The following NTAN1 variants were observed in gnomAD, a reference collection of about 807,000 sequenced individuals.
NTAN1 encodes the protein N-terminal asparagine amidase, also known as protein N-terminal asparagine amidohydrolase.
In NTAN1, 32 loss-of-function variants were observed where a neutral mutation model predicts 41.9. The ratio of observed to expected loss-of-function variants is 0.76; its 90% CI spans 0.58 to 1.03. The LOEUF (loss-of-function observed/expected upper bound fraction) is 1.03. NTAN1 is among the 50% of genes least tolerant of loss of function. The pLI, the probability that NTAN1 is intolerant of heterozygous loss-of-function variation, is 0.00. For missense variants in NTAN1, 377 were observed against 377.5 expected, an observed-to-expected ratio of 1.00 and a Z score of 0.01; for synonymous variants, 140 against 139.5, an observed-to-expected ratio of 1.00 and a Z score of -0.03.
chr16:15,045,676 T>C (rs1390763856), intron 4 of NTAN1: 1 of 152,274 alleles, frequency 6.6e-6, no homozygotes. Flanking sequence ...GGAGTCACAC[T>C]GCGCATTGCA....
At chr16:15,041,566 G>T in intron 6 of NTAN1, 57 bp downstream of exon 6, 2 of 1,218,572 alleles carry the variant, frequency 1.6e-6, no homozygotes, top group Non-Finnish European at 2.4e-6. Flanking sequence ...TGCAAGACTG[G>T]GGACAAAACG....
chr16:15,041,447 A>C (rs533625537), intron 6 of NTAN1, among the ~76,000 whole-genome samples, 176 bp downstream of exon 6: 23 of 152,286 alleles, frequency 1.5e-4, no homozygotes, highest in African/African-American at 5.5e-4. Flanking sequence ...GAGGCTCGGC[A>C]GATGGTGGAC....
chr16:15,041,533 T>C (rs1210323608), intron 6 of NTAN1, 90 bp downstream of exon 6: 1 of 859,812 alleles, frequency 1.2e-6, no homozygotes, highest in Non-Finnish European at 2.0e-6. Flanking sequence ...GTGACAGCAG[T>C]GTGTGCCGGT....
chr16:15,055,972 C>T lies in NTAN1; in HGVS notation c.-1G>A, dbSNP rs991998119. On this transcript the variant is annotated 5_prime_UTR_variant, in exon 1 of 10. Coordinates refer to ENST00000287706, the MANE Select transcript of NTAN1 (RefSeq NM_173474.4). ...GCCGCCCCTCGACGAGCAGCGGCAT[C>T]GCGGAGGCGGCCGCCCAGGCAGGCC... The T allele has an allele frequency of 4.1e-6, 5 of 1,222,368 alleles. No individual in the cohort carries two copies. The highest frequency in any genetic ancestry group is 5.1e-6 in the Non-Finnish European group (5 of 981,632). 75.7% of individuals were successfully genotyped at this position (1,222,368 alleles called of 1,614,324 possible). A position where few individuals can be genotyped will look rare whatever the true frequency, so the allele number is the denominator to read the frequency against.
chr16:15,054,132 C>T (rs1240715159), intron 1 of NTAN1, among the ~76,000 whole-genome samples: 1 of 152,204 alleles, frequency 6.6e-6, no homozygotes. Flanking sequence ...TCCTGCCCGC[C>T]GCGCCCCAGG....
chr16:15,051,705 T>TC (rs1282208419), intron 1 of NTAN1, among the ~76,000 whole-genome samples: 1 of 149,460 alleles, frequency 6.7e-6, no homozygotes, highest in Non-Finnish European at 1.5e-5. Flanking sequence ...TTAATTTTTT[T>TC]TTTTTTTTTT....
rs567386522 is a variant in NTAN1, at chr16:15,041,460, G to C, written c.487+163C>G. ...CTGAGGCTCGGCAGATGGTGGACGA[G>C]GGCAAGGGGAAGGGGAAGGCCATCC... On this transcript the variant is annotated intron_variant, in intron 6 of 9. Transcript: ENST00000287706. Among the ~76,000 whole-genome samples, 5 of 152,250 alleles carry C rather than the reference G, an allele frequency of 3.3e-5. No homozygotes were observed. In the South Asian group the frequency reaches 1.0e-3, roughly 32 times the overall value.
chr16:15,054,787 C>T (rs954560669), intron 1 of NTAN1, among the ~76,000 whole-genome samples: 3 of 152,178 alleles, frequency 2.0e-5, no homozygotes, highest in Non-Finnish European at 4.4e-5. Context: ...GAGGACACTA[C>T]TCTTATCTGC....
intron 5 of NTAN1, among the ~76,000 whole-genome samples, chr16:15,043,710 G>C (rs1225077781): frequency 1.3e-5 from 2 of 152,160 alleles, no homozygotes; most frequent in Non-Finnish European, 2.9e-5. Flanking sequence ...AGCACTTTAA[G>C]AGGCCGAGGC....
At chr16:15,042,577 AATT>A (rs1436954924) in intron 5 of NTAN1, among the ~76,000 whole-genome samples, 6 of 152,232 alleles carry the variant, frequency 3.9e-5, no homozygotes, top group East Asian at 3.9e-4. Context: ...GCGACTACAT[AATT>A]ATTATTCTGA....
chr16:15,042,952 G>A (rs923989960), intron 5 of NTAN1, among the ~76,000 whole-genome samples: 1 of 150,020 alleles, frequency 6.7e-6, no homozygotes, highest in East Asian at 2.0e-4. Context: ...CCATGCTGGA[G>A]TGCAATGGTG....
chr16:15,043,196 G>A (rs1408195078), intron 5 of NTAN1, among the ~76,000 whole-genome samples: 3 of 151,904 alleles, frequency 2.0e-5, no homozygotes, highest in South Asian at 2.1e-4. Context: ...CACCGCACCC[G>A]GCCTAATTTT....
At chr16:15,054,450 C>T (rs1256305233) in intron 1 of NTAN1, among the ~76,000 whole-genome samples, 3 of 152,224 alleles carry the variant, frequency 2.0e-5, no homozygotes, top group African/African-American at 7.2e-5. Flanking sequence ...AGTAGAGCAT[C>T]CCCTAAATTC....
Position 15,038,132 on chromosome 16 carries a change from G to GT in NTAN1, c.831dup (p.His278ThrfsTer13), listed in dbSNP as rs780770021. On this transcript the variant is annotated frameshift_variant, in exon 10 of 10. Transcript: ENST00000287706. LOFTEE classifies it high-confidence loss of function. Reference sequence around the variant, plus strand: ...AACAGTGTGTGAGCTGGAGATGGGTGTTTTTTTAAAAACATCAAGGTAGAT... The same window carrying GT: ...AACAGTGTGTGAGCTGGAGATGGGTGTTTTTTTTAAAAACATCAAGGTAGAT... 4.3e-6 allele frequency: 7 copies of GT among 1,612,034 alleles called. No individual in the cohort carries two copies. The highest frequency in any genetic ancestry group is 2.2e-5 in the South Asian group (2 of 91,032).
At chr16:15,041,213 C>T in intron 6 of NTAN1, 92 bp from the exon 7 acceptor site, 2 of 863,002 alleles carry the variant, frequency 2.3e-6, no homozygotes. Flanking sequence ...AGGAGCTCCT[C>T]GATGCAGAAA....
At chr16:15,046,432 C>T (rs555336074) in intron 4 of NTAN1, among the ~76,000 whole-genome samples, 1 of 152,128 alleles carries the variant, frequency 6.6e-6, no homozygotes, top group Non-Finnish European at 1.5e-5. Context: ...CCTGTGTCGT[C>T]GGCCTCCACC....
At chr16:15,040,361 G>C (rs1158126612) in intron 7 of NTAN1, 3 of 352,228 alleles carry the variant, frequency 8.5e-6, no homozygotes, top group Non-Finnish European at 1.5e-5. Flanking sequence ...AAAACCTCTG[G>C]TCATCCCTAC....
intron 8 of NTAN1, among the ~76,000 whole-genome samples, chr16:15,038,924 T>C (rs890896681): frequency 2.0e-5 from 3 of 151,130 alleles, no homozygotes; most frequent in African/African-American, 7.2e-5. Flanking sequence ...GACGAGGGTG[T>C]TTTTTCCCAT....
At chr16:15,047,649 A>G in intron 3 of NTAN1, 99 bp from the exon 4 acceptor site, 1 of 1,005,864 alleles carries the variant, frequency 9.9e-7, no homozygotes, top group East Asian at 2.4e-5. Flanking sequence ...TCATCTTTGA[A>G]TATCCTGTAG....
Sources: allele counts gnomAD v4.1 joint callset (sites outside exome capture counted in the v4.1 genomes callset), GRCh38; gene constraint gnomAD v4.1.1; transcripts MANE v1.5; gene names NCBI Gene and HGNC (gene_info 2026-07-23, HGNC 2026-07-21).